The following DIAPH3 variants were observed in gnomAD, a reference collection of about 807,000 sequenced individuals.
The protein encoded by DIAPH3 is diaphanous related formin 3.
DIAPH3 carries 117 observed loss-of-function variants against 144.3 expected under a neutral mutation model. The observed-to-expected ratio is 0.81, with a 90% CI of 0.70 to 0.95. The LOEUF (loss-of-function observed/expected upper bound fraction) is 0.95. Among genes scored for constraint, DIAPH3 ranks in the 40% least tolerant of loss-of-function variants. DIAPH3 has a pLI of 0.00. For synonymous variants in DIAPH3, 519 were observed against 488.9 expected, an observed-to-expected ratio of 1.06 and a Z score of -0.81; for missense variants, 1,421 against 1,412.7, an observed-to-expected ratio of 1.01 and a Z score of -0.09.
chr13:59,758,978 A>T (rs2037431105), intron 27 of DIAPH3, among the ~76,000 whole-genome samples: 1 of 138,676 alleles, frequency 7.2e-6, no homozygotes, highest in Non-Finnish European at 1.6e-5. Context: ...TTTTTGTAGA[A>T]ACAGCATCTC....
At chr13:59,975,170 T>A (rs1040155526) in intron 14 of DIAPH3, among the ~76,000 whole-genome samples, 1 of 151,620 alleles carries the variant, frequency 6.6e-6, no homozygotes, top group African/African-American at 2.4e-5. Flanking sequence ...TCCTTTTTGC[T>A]CACAAACACA....
At chr13:59,999,045 T>C (rs1594280540) in intron 9 of DIAPH3, among the ~76,000 whole-genome samples, 1 of 152,268 alleles carries the variant, frequency 6.6e-6, no homozygotes, top group East Asian at 1.9e-4. Context: ...ATAAGACCTT[T>C]ACTTGGTCTT....
intron 27 of DIAPH3, among the ~76,000 whole-genome samples, chr13:59,737,131 C>T (rs954340694): frequency 9.2e-5 from 14 of 152,070 alleles, no homozygotes; most frequent in Non-Finnish European, 1.6e-4. Flanking sequence ...GCAACTGCAA[C>T]AAAAACAATT....
intron 27 of DIAPH3, among the ~76,000 whole-genome samples, chr13:59,756,349 C>CTAA (rs2037257561): frequency 6.7e-6 from 1 of 150,190 alleles, no homozygotes; most frequent in South Asian, 2.1e-4. Context: ...TTATAATCTA[C>CTAA]TAATACCTTC....
At chr13:59,706,073 G>A (rs1019038955) in intron 27 of DIAPH3, among the ~76,000 whole-genome samples, 3 of 151,762 alleles carry the variant, frequency 2.0e-5, no homozygotes, top group Non-Finnish European at 4.4e-5. Flanking sequence ...ATATAAAATG[G>A]CACAGTATTT....
In DIAPH3 at chr13:59,970,904, G is replaced by T; in HGVS notation, c.1907C>A (p.Pro636Gln). Residue 636 changes from proline to glutamine, a missense_variant, in exon 16 of 28, where the codon CCA (proline) becomes CAA (glutamine). Coordinates refer to ENST00000400324, the MANE Select transcript of DIAPH3 (RefSeq NM_001042517.2). Reference sequence around the variant, plus strand: ...GATTTCAGGTTTAAATTCTTTCTTTGGTTTCAACCCAAATGGCAGGATTGG... The same window carrying T: ...GATTTCAGGTTTAAATTCTTTCTTTTGTTTCAACCCAAATGGCAGGATTGG... ...PLPILPFGLK[P>Q]KKEFKPEISM... 6.2e-7 allele frequency: 1 copy of T among 1,613,226 alleles called. No individual in the cohort carries two copies. Among genetic ancestry groups the T allele is most frequent in the African/African-American group, 1.3e-5 (1 of 74,892 alleles).
chr13:59,961,295 A>G (rs1285311228), intron 17 of DIAPH3, among the ~76,000 whole-genome samples: 1 of 152,208 alleles, frequency 6.6e-6, no homozygotes, highest in Non-Finnish European at 1.5e-5. Context: ...TACAATATGC[A>G]TTATATAATC....
chr13:59,916,985 CA>C (rs1225866180), intron 18 of DIAPH3, among the ~76,000 whole-genome samples: 1 of 152,142 alleles, frequency 6.6e-6, no homozygotes, highest in African/African-American at 2.4e-5. Flanking sequence ...TTCACAGCAA[CA>C]GATACAACGC....
intron 25 of DIAPH3, among the ~76,000 whole-genome samples, chr13:59,805,026 A>T (rs1489903514): frequency 6.6e-6 from 1 of 152,142 alleles, no homozygotes; most frequent in Non-Finnish European, 1.5e-5. Flanking sequence ...GGTAAACAAC[A>T]GATTTCTAAA....
rs2141187247 is a variant in DIAPH3, at chr13:60,041,531, T to C, written c.626+1159A>G. Among the ~76,000 whole-genome samples, 2 of 152,232 alleles carry C rather than the reference T, an allele frequency of 1.3e-5. 1 individual carries two copies. Among genetic ancestry groups the C allele is most frequent in the East Asian group, 3.9e-4 (2 of 5,176 alleles). On this transcript the variant is annotated intron_variant, in intron 5 of 27. Transcript: ENST00000400324. ...CAGTCTCACATCTCAGCAGGTAAGG[T>C]TGTTTTCTTTTAAATACATGTACGG...
At chr13:59,896,781 A>G (rs1163538276) in intron 20 of DIAPH3, among the ~76,000 whole-genome samples, 1 of 152,232 alleles carries the variant, frequency 6.6e-6, no homozygotes, top group African/African-American at 2.4e-5. Flanking sequence ...TAATATCAGA[A>G]GAGAAGCTTA....
At chr13:59,817,085 A>G (rs940304773) in intron 24 of DIAPH3, among the ~76,000 whole-genome samples, 6 of 151,884 alleles carry the variant, frequency 4.0e-5, no homozygotes, top group Admixed American at 1.3e-4. Context: ...ATAAATAAAT[A>G]AAACTGGCAC....
At chr13:60,122,578 A>G (rs905258280) in intron 2 of DIAPH3, among the ~76,000 whole-genome samples, 9 of 152,174 alleles carry the variant, frequency 5.9e-5, no homozygotes, top group African/African-American at 1.9e-4. Context: ...CCTATCTTCC[A>G]GGCCTGGAAC....
At chr13:59,866,572 G>A (rs1593744368) in intron 21 of DIAPH3, among the ~76,000 whole-genome samples, 1 of 151,980 alleles carries the variant, frequency 6.6e-6, no homozygotes, top group East Asian at 1.9e-4. Context: ...AGTTCTAAGA[G>A]CACAACATTC....
At chr13:59,672,878 C>T (rs1397349625) in intron 27 of DIAPH3, among the ~76,000 whole-genome samples, 1 of 152,152 alleles carries the variant, frequency 6.6e-6, no homozygotes, top group Non-Finnish European at 1.5e-5. Context: ...AAACAATACT[C>T]CCCCTATCTA....
At chr13:59,706,374 T>A (rs1453389202) in intron 27 of DIAPH3, among the ~76,000 whole-genome samples, 1 of 152,104 alleles carries the variant, frequency 6.6e-6, no homozygotes, top group Admixed American at 6.5e-5. Flanking sequence ...TGAGAACACA[T>A]ATAATACCAA....
intron 17 of DIAPH3, among the ~76,000 whole-genome samples, chr13:59,960,716 A>G (rs922627826): frequency 6.6e-6 from 1 of 152,202 alleles, no homozygotes; most frequent in African/African-American, 2.4e-5. Flanking sequence ...TGAGCTTTTC[A>G]AGATCACCCC....
Position 60,022,929 on chromosome 13 carries a change from T to C in DIAPH3, c.627-6784A>G, listed in dbSNP as rs185297986. On this transcript the variant is annotated intron_variant, in intron 5 of 27. Coordinates refer to ENST00000400324, the MANE Select transcript of DIAPH3 (RefSeq NM_001042517.2). ...TCTTTTGCTTGTCAATATAATGCAC[T>C]ATATAAGGATTTTTGTATCTATACT... Among the ~76,000 whole-genome samples the C allele has an allele frequency of 8.5e-5, 13 of 152,306 alleles. 1 individual carries two copies. Among genetic ancestry groups the C allele is most frequent in the Admixed American group, 7.2e-4 (11 of 15,308 alleles).
rs1398430321 is a variant in DIAPH3, at chr13:59,974,435, G to A, written c.1567C>T (p.His523Tyr). 6.2e-7 allele frequency: 1 copy of A among 1,610,702 alleles called. No homozygotes were observed. Among genetic ancestry groups the A allele is most frequent in the East Asian group, 2.2e-5 (1 of 44,740 alleles). Reference sequence around the variant, plus strand: ...TGCAATTCAGCCTGAGTTTCTTGGTGGTCGGTAAACTCTTTTTCAAACTGA... The same window carrying A: ...TGCAATTCAGCCTGAGTTTCTTGGTAGTCGGTAAACTCTTTTTCAAACTGA... ...YKKFEKEFTD[H>Y]QETQAELQKK... Residue 523 changes from histidine (H) to tyrosine (Y), a missense_variant, in exon 15 of 28, where the codon CAC (histidine) becomes TAC (tyrosine). By Grantham distance (83) the His-to-Tyr change is moderately conservative (BLOSUM62 2). Transcript: ENST00000400324.
Sources: allele counts gnomAD v4.1 joint callset (sites outside exome capture counted in the v4.1 genomes callset), GRCh38; gene constraint gnomAD v4.1.1; transcripts MANE v1.5; gene names NCBI Gene and HGNC (gene_info 2026-07-23, HGNC 2026-07-21).